The following SMAGP variants were observed in gnomAD, a reference collection of about 807,000 sequenced individuals.
The protein encoded by SMAGP is small cell adhesion glycoprotein.
SMAGP carries 7 observed loss-of-function variants against 10.1 expected under a neutral mutation model. The observed-to-expected ratio is 0.70, with a 90% confidence interval of 0.40 to 1.31. SMAGP has a LOEUF of 1.31. Among genes scored for constraint, SMAGP ranks in the 50% most tolerant of loss-of-function variants. SMAGP has a pLI of 0.01. For synonymous variants in SMAGP, 49 were observed against 47.2 expected, an observed-to-expected ratio of 1.04 and a Z score of -0.16; for missense variants, 113 against 116.5, an observed-to-expected ratio of 0.97 and a Z score of 0.14.
intron 3 of SMAGP, 81 bp from the exon 4 acceptor site, chr12:51,246,200 ACT>A: frequency 3.2e-6 from 5 of 1,545,184 alleles, no homozygotes; most frequent in Non-Finnish European, 4.4e-6. Flanking sequence ...TGATTTAGTC[ACT>A]GTTTTCGTAA....
At chr12:51,269,373 T>A in intron 1 of SMAGP, 57 bp from the exon 2 acceptor site, 1 of 1,404,642 alleles carries the variant, frequency 7.1e-7, no homozygotes, top group Non-Finnish European at 1.0e-6. Context: ...TGGCTTTGAG[T>A]CCTGGAAGTC....
intron 2 of SMAGP, among the ~76,000 whole-genome samples, chr12:51,256,958 T>C (rs1944891011): frequency 6.6e-6 from 1 of 151,980 alleles, no homozygotes; most frequent in South Asian, 2.1e-4. Context: ...GCAGAGATCA[T>C]AAACGACCTT....
intron 1 of SMAGP, chr12:51,269,807 G>A (rs1945011064): frequency 6.6e-6 from 1 of 152,352 alleles, no homozygotes; most frequent in African/African-American, 2.4e-5. Flanking sequence ...GGGAGGCGAC[G>A]GCCGTGGGCC....
intron 2 of SMAGP, among the ~76,000 whole-genome samples, chr12:51,265,286 C>A (rs981447203): frequency 6.6e-6 from 1 of 152,142 alleles, no homozygotes; most frequent in African/African-American, 2.4e-5. Flanking sequence ...AATGGTGCAG[C>A]TGCTGTGCAA....
At chr12:51,262,572 T>C (rs1316642667) in intron 2 of SMAGP, among the ~76,000 whole-genome samples, 1 of 152,128 alleles carries the variant, frequency 6.6e-6, no homozygotes, top group Non-Finnish European at 1.5e-5. Flanking sequence ...TTTCCCCCAT[T>C]CTCTCCCGTT....
Position 51,245,964 on chromosome 12 carries a change from C to G in SMAGP, c.271G>C (p.Glu91Gln). Reference protein sequence around the residue: ...QMESDLAKGSEKEEYFI With the variant: ...QMESDLAKGSQKEEYFI ...CATTAGATGAAATATTCCTCTTTCT[C>G]GCTGCCCTTGGCCAAGTCACTCTCC... The change falls in exon 4 of 4, where the codon GAG becomes CAG. Residue 91 changes from glutamate (E) to glutamine (Q), a missense_variant. Coordinates refer to ENST00000603798, the MANE Select transcript of SMAGP (RefSeq NM_001031628.2). 1 of 1,613,748 alleles carries G rather than the reference C, an allele frequency of 6.2e-7. No homozygotes were observed. Among genetic ancestry groups the G allele is most frequent in the Non-Finnish European group, 8.5e-7 (1 of 1,179,714 alleles).
In SMAGP at chr12:51,245,087, A is replaced by G. The variant is rs988720935; in HGVS notation, c.*854T>C. ...TGTGATCCGCCTGCCTCGGCCTCCC[A>G]AAGTGCTGGGATCACAGGCGTGAGC... On this transcript the variant is annotated 3_prime_UTR_variant, in exon 4 of 4. Transcript: ENST00000603798. 13 of 152,182 alleles carry G rather than the reference A, an allele frequency of 8.5e-5. No individual in the cohort carries two copies. The highest frequency in any genetic ancestry group is 1.2e-4 in the Non-Finnish European group (8 of 68,060). 9.4% of individuals were successfully genotyped at this position (152,182 alleles called of 1,614,324 possible). A position where few individuals can be genotyped will look rare whatever the true frequency, so the allele number is the denominator to read the frequency against.
chr12:51,267,953 G>C (rs1178614959), intron 2 of SMAGP, among the ~76,000 whole-genome samples: 1 of 152,208 alleles, frequency 6.6e-6, no homozygotes, highest in Non-Finnish European at 1.5e-5. Flanking sequence ...ATGTGACTGT[G>C]TATAGGAAGA....
chr12:51,259,368 C>G (rs954780117), intron 2 of SMAGP, among the ~76,000 whole-genome samples: 1 of 152,080 alleles, frequency 6.6e-6, no homozygotes, highest in Non-Finnish European at 1.5e-5. Context: ...CCTGCCTGAA[C>G]AACACAAAGT....
chr12:51,247,521 C>T (rs998107252), intron 2 of SMAGP, among the ~76,000 whole-genome samples: 8 of 152,076 alleles, frequency 5.3e-5, no homozygotes, highest in African/African-American at 1.9e-4. Context: ...CGTGAAAGTC[C>T]CACCCTAAAG....
chr12:51,265,699 G>C (rs1944967158), intron 2 of SMAGP, among the ~76,000 whole-genome samples: 1 of 152,180 alleles, frequency 6.6e-6, no homozygotes, highest in Non-Finnish European at 1.5e-5. Context: ...TGTTTGCAGG[G>C]AAATGGGGAA....
rs1349261806 is a variant in SMAGP at position 51,245,241 on chromosome 12, T to G, written c.*700A>C. 2.0e-5 allele frequency: 3 copies of G among 152,228 alleles called. No homozygotes were observed. Among genetic ancestry groups the G allele is most frequent in the African/African-American group, 7.2e-5 (3 of 41,454 alleles). The allele number at this position is 152,228 out of a possible 1,614,324, so 9.4% of individuals were successfully genotyped here. ...TCTAGAACTTTCCTAGGGTTCTTAT[T>G]GCTTGGAAGAGAACATATGTAAAGG... On this transcript the variant is annotated 3_prime_UTR_variant, in exon 4 of 4. Coordinates refer to ENST00000603798, the MANE Select transcript of SMAGP (RefSeq NM_001031628.2).
chr12:51,248,428 ACACACACTCTCTCTCTCTCTCTCTCT>A (rs1400236442), intron 2 of SMAGP, among the ~76,000 whole-genome samples: 200 of 104,524 alleles, frequency 1.9e-3, no homozygotes, highest in Non-Finnish European at 1.8e-3. Flanking sequence ...ACACACACAC[ACACACACTCTCTCTCTCTCTCTCTCT>A]CTCTCTCTCT....
At chr12:51,267,474 C>G (rs1308929481) in intron 2 of SMAGP, among the ~76,000 whole-genome samples, 8 of 146,478 alleles carry the variant, frequency 5.5e-5, no homozygotes, top group South Asian at 2.3e-4. Flanking sequence ...ATTCCCCCCC[C>G]CCACTCCGTG....
Position 51,245,882 on chromosome 12 carries a change from T to C in SMAGP, c.*59A>G, listed in dbSNP as rs1297257427. 6.5e-7 allele frequency: 1 copy of C among 1,544,822 alleles called. No individual in the cohort carries two copies. Among genetic ancestry groups the C allele is most frequent in the Admixed American group, 1.9e-5 (1 of 51,934 alleles). The stretch of plus-strand genomic sequence containing the variant: ...GGCTTCAGAGAAAACTTTCCCATAA[T>C]AAGCAGTCAACGTGTTAGCGATGGA... On this transcript the variant is annotated 3_prime_UTR_variant, in exon 4 of 4. Coordinates refer to ENST00000603798, the MANE Select transcript of SMAGP (RefSeq NM_001031628.2).
At chr12:51,248,535 T>C (rs1259127669) in intron 2 of SMAGP, among the ~76,000 whole-genome samples, 1 of 151,934 alleles carries the variant, frequency 6.6e-6, no homozygotes, top group Non-Finnish European at 1.5e-5. Flanking sequence ...TGTGTTATGA[T>C]GTGGGTGTGT....
At chr12:51,256,103 C>T (rs1299286912) in intron 2 of SMAGP, among the ~76,000 whole-genome samples, 1 of 152,094 alleles carries the variant, frequency 6.6e-6, no homozygotes, top group African/African-American at 2.4e-5. Context: ...GCATTGATTG[C>T]TTTTGCAGCA....
At position 51,245,998 on chromosome 12, in the gene SMAGP, G is replaced by A. The variant is rs374939526; in HGVS notation, c.237C>T (p.Ile79=). Residue 79 remains isoleucine, a synonymous_variant, in exon 4 of 4, where the codon ATC becomes ATT. Coordinates refer to ENST00000603798, the MANE Select transcript of SMAGP (RefSeq NM_001031628.2). Reference sequence around the variant, plus strand: ...TGGCCAAGTCACTCTCCATCTGGACGATGGCACTGGGCTCACCTTCTGTAG... The same window carrying A: ...TGGCCAAGTCACTCTCCATCTGGACAATGGCACTGGGCTCACCTTCTGTAG... ...YEPTEGEPSA[I]VQMESDLAKG... The A allele has an allele frequency of 3.7e-6, 6 of 1,613,926 alleles. No individual in the cohort carries two copies. The African/African-American group carries it at 4.0e-5, about 11-fold the overall frequency.
At chr12:51,252,968 C>T (rs1455775872) in intron 2 of SMAGP, among the ~76,000 whole-genome samples, 1 of 152,066 alleles carries the variant, frequency 6.6e-6, no homozygotes, top group Non-Finnish European at 1.5e-5. Flanking sequence ...ACTGCAAGAA[C>T]TTGTAAATGG....
Sources: allele counts gnomAD v4.1 joint callset (sites outside exome capture counted in the v4.1 genomes callset), GRCh38; gene constraint gnomAD v4.1.1; transcripts MANE v1.5; gene names NCBI Gene and HGNC (gene_info 2026-07-23, HGNC 2026-07-21).